The following ANKS1B variants were observed in gnomAD, a reference collection of about 807,000 sequenced individuals.
ANKS1B encodes ankyrin repeat and sterile alpha motif domain-containing protein 1B.
A neutral mutation model predicts 148.3 loss-of-function variants in ANKS1B; 36 were observed. The observed-to-expected ratio is 0.24, with a 90% CI of 0.19 to 0.32. The LOEUF (loss-of-function observed/expected upper bound fraction) is 0.32. Ranked by LOEUF, ANKS1B falls within the 10% of genes least tolerant of loss-of-function variation. ANKS1B has a pLI of 1.00. For synonymous variants in ANKS1B, 542 were observed against 560.8 expected (o/e 0.97, Z 0.47); for missense variants, 1,157 against 1,542.6 (o/e 0.75, Z 4.19).
chr12:99,336,102 T>G (rs1250718731), intron 12 of ANKS1B, among the ~76,000 whole-genome samples: 1 of 152,164 alleles, frequency 6.6e-6, no homozygotes, highest in African/African-American at 2.4e-5. Flanking sequence ...TTGATTAGCA[T>G]ATCTCTGATA....
chr12:98,756,295 T>A (rs974868820), intron 25 of ANKS1B, among the ~76,000 whole-genome samples: 4 of 152,014 alleles, frequency 2.6e-5, no homozygotes, highest in Admixed American at 2.6e-4. Context: ...TAAATGGGAG[T>A]TCCCCTGTAC....
intron 16 of ANKS1B, among the ~76,000 whole-genome samples, chr12:99,054,200 G>C: frequency 6.6e-6 from 1 of 152,148 alleles, no homozygotes; most frequent in East Asian, 1.9e-4. Context: ...AGTTTTTCAG[G>C]AGAGCTGGCA....
At chr12:99,667,414 T>G (rs1198908872) in intron 8 of ANKS1B, among the ~76,000 whole-genome samples, 1 of 150,956 alleles carries the variant, frequency 6.6e-6, no homozygotes, top group African/African-American at 2.5e-5. Flanking sequence ...TAGTTCCTCA[T>G]GTAAAAAAAA....
chr12:98,818,290 A>G (rs2099158504), intron 19 of ANKS1B, among the ~76,000 whole-genome samples: 2 of 152,066 alleles, frequency 1.3e-5, no homozygotes, highest in Non-Finnish European at 1.5e-5. Context: ...AAAGTAGGAG[A>G]GAAGGAGAGA....
At chr12:99,725,227 T>G (rs576018874) in intron 8 of ANKS1B, among the ~76,000 whole-genome samples, 33 of 151,900 alleles carry the variant, frequency 2.2e-4, no homozygotes, top group Non-Finnish European at 4.1e-4. Flanking sequence ...GGATAAAGAG[T>G]CAAGACCCAT....
chr12:99,894,294 AGGGAGGGAGGGAGGG>A (rs2093277027), intron 1 of ANKS1B, among the ~76,000 whole-genome samples: 1 of 21,938 alleles, frequency 4.6e-5, no homozygotes, highest in South Asian at 2.4e-3. Context: ...GAAGGAAGGG[AGGGAGGGAGGGAGGG>A]AGGGAGGGAG....
intron 16 of ANKS1B, among the ~76,000 whole-genome samples, chr12:99,061,489 T>C (rs2042438244): frequency 6.6e-6 from 1 of 152,240 alleles, no homozygotes; most frequent in Non-Finnish European, 1.5e-5. Flanking sequence ...GTGATGCTAA[T>C]GCTGTCAGCC....
At chr12:99,626,256 C>T (rs2098112152) in intron 9 of ANKS1B, among the ~76,000 whole-genome samples, 1 of 152,156 alleles carries the variant, frequency 6.6e-6, no homozygotes, top group African/African-American at 2.4e-5. Context: ...AAACAACCAG[C>T]CCCTAAAATA....
chr12:98,908,650 G>C lies in ANKS1B; in HGVS notation c.2779-76514C>G, dbSNP rs371924906. On this transcript the variant is annotated intron_variant, in intron 17 of 26. Coordinates refer to ENST00000683438, the MANE Select transcript of ANKS1B (RefSeq NM_001352186.2). ...TTAGGAAGAAATCTTTTGGTAAGCTGCTTGAGGAGAAGAGTCACCATGGAC... is the reference window on the plus strand; with the variant it reads ...TTAGGAAGAAATCTTTTGGTAAGCTCCTTGAGGAGAAGAGTCACCATGGAC... Among the ~76,000 whole-genome samples, 33 of 152,268 alleles carry C rather than the reference G, an allele frequency of 2.2e-4. 1 individual carries two copies. In the East Asian group the frequency reaches 5.0e-3, roughly 23 times the overall value.
intron 8 of ANKS1B, among the ~76,000 whole-genome samples, chr12:99,700,507 G>A (rs910747714): frequency 6.6e-6 from 1 of 152,142 alleles, no homozygotes; most frequent in East Asian, 1.9e-4. Context: ...ACAACAAAGC[G>A]AGCACGAATT....
At chr12:98,999,590 T>A (rs7965027) in intron 17 of ANKS1B, among the ~76,000 whole-genome samples, 1 of 152,142 alleles carries the variant, frequency 6.6e-6, no homozygotes, top group African/African-American at 2.4e-5. Context: ...AAAGGTTAAC[T>A]CTTTATATCT....
chr12:99,029,865 T>A (rs2099950916), intron 17 of ANKS1B, among the ~76,000 whole-genome samples: 1 of 152,222 alleles, frequency 6.6e-6, no homozygotes, highest in Non-Finnish European at 1.5e-5. Flanking sequence ...GAGTTCCTGC[T>A]CCTCCCCTTC....
rs572280178 is a variant in ANKS1B, at chr12:99,392,071, C to T, written c.1756+7560G>A. ...CCCAAAGATGTAATCTCGCATCATC[C>T]TCTCTAACCCTTTACTTTCTCCATA... On this transcript the variant is annotated intron_variant, in intron 12 of 26. Transcript: ENST00000683438. Among the ~76,000 whole-genome samples, 8 of 152,314 alleles carry T rather than the reference C, an allele frequency of 5.3e-5. No homozygotes were observed. The East Asian group carries it at 1.5e-3, about 29-fold the overall frequency.
At chr12:99,421,965 G>A (rs192446549) in intron 11 of ANKS1B, among the ~76,000 whole-genome samples, 32 of 152,236 alleles carry the variant, frequency 2.1e-4, no homozygotes, top group Non-Finnish European at 4.6e-4. Context: ...CATGTGATGT[G>A]CCTGCTTGCA....
chr12:99,463,011 T>C (rs1390829076), intron 10 of ANKS1B, among the ~76,000 whole-genome samples: 1 of 152,150 alleles, frequency 6.6e-6, no homozygotes, highest in Non-Finnish European at 1.5e-5. Flanking sequence ...CAAACAAACC[T>C]CCTTTCTTTA....
At chr12:99,557,817 C>T (rs2097293335) in intron 9 of ANKS1B, among the ~76,000 whole-genome samples, 2 of 152,076 alleles carry the variant, frequency 1.3e-5, no homozygotes, top group Non-Finnish European at 2.9e-5. Flanking sequence ...TTGAAGAAGC[C>T]GTCTTTTAGA....
At chr12:99,822,388 A>G (rs561976599) in intron 2 of ANKS1B, among the ~76,000 whole-genome samples, 1 of 152,240 alleles carries the variant, frequency 6.6e-6, no homozygotes, top group Non-Finnish European at 1.5e-5. Flanking sequence ...GGTTTGGGAT[A>G]CAATTTATCC....
At chr12:99,964,298 C>G (rs2095457218) in intron 1 of ANKS1B, among the ~76,000 whole-genome samples, 1 of 152,222 alleles carries the variant, frequency 6.6e-6, no homozygotes, top group African/African-American at 2.4e-5. Flanking sequence ...TCTTCCAATA[C>G]AAGGTACAGC....
intron 19 of ANKS1B, among the ~76,000 whole-genome samples, chr12:98,809,673 T>C (rs1287778490): frequency 6.6e-6 from 1 of 152,172 alleles, no homozygotes; most frequent in Non-Finnish European, 1.5e-5. Flanking sequence ...ACTCCAGCTA[T>C]ATACAGCTTG....
Sources: gnomAD v4.1 joint callset for allele counts (sites outside exome capture counted in the v4.1 genomes callset) on GRCh38, gnomAD v4.1.1 for gene constraint, MANE v1.5 for transcripts, NCBI Gene and HGNC (gene_info 2026-07-23, HGNC 2026-07-21) for gene names.